Variants in AR observed in about 807,000 individuals in gnomAD.
The protein encoded by AR is androgen receptor.
AR carries 8 observed loss-of-function variants against 53.9 expected under a neutral mutation model. The observed-to-expected ratio is 0.15, with a 90% CI of 0.09 to 0.27. AR has a LOEUF of 0.27. Ranked by LOEUF, AR falls within the 10% of genes least tolerant of loss-of-function variation. The probability of loss-of-function intolerance (pLI) is 1.00; values close to 1 mark genes in which losing one functional copy is unlikely to be tolerated. For synonymous variants in AR, 359 were observed against 316.4 expected, an observed-to-expected ratio of 1.13 and a Z score of -1.43; for missense variants, 639 against 742.5, an observed-to-expected ratio of 0.86 and a Z score of 1.62.
At chrX:67,568,153 C>A (rs1287837097) in intron 1 of AR, among the ~76,000 whole-genome samples, 3 of 111,493 alleles carry the variant, frequency 2.7e-5, no homozygotes, top group African/African-American at 9.8e-5. Flanking sequence ...TGTGTCTGGG[C>A]GTCTATTTTC....
chrX:67,670,793 C>T (rs758859259), intron 2 of AR, among the ~76,000 whole-genome samples: 1 of 110,415 alleles, frequency 9.1e-6, no homozygotes, highest in East Asian at 2.8e-4. Context: ...ATGTTCCCCT[C>T]CCTGTGTCCA....
chrX:67,655,335 C>T (rs1926535777), intron 2 of AR, among the ~76,000 whole-genome samples: 1 of 111,143 alleles, frequency 9.0e-6, no homozygotes, highest in Non-Finnish European at 1.9e-5. Context: ...GCCTCCTACT[C>T]CCCACTTTTT....
chrX:67,670,886 G>T (rs914744280), intron 2 of AR, among the ~76,000 whole-genome samples: 7 of 110,740 alleles, frequency 6.3e-5, no homozygotes, highest in Non-Finnish European at 9.5e-5. Context: ...GTTTGCTGAG[G>T]ATGATGGTTT....
At chrX:67,582,996 T>C (rs753507513) in intron 1 of AR, among the ~76,000 whole-genome samples, 1 of 112,128 alleles carries the variant, frequency 8.9e-6, no homozygotes, top group East Asian at 2.8e-4. Flanking sequence ...AAGTGGCAGC[T>C]TCATTTTTGG....
At chrX:67,661,599 T>A (rs1926921814) in intron 2 of AR, among the ~76,000 whole-genome samples, 1 of 111,801 alleles carries the variant, frequency 8.9e-6, no homozygotes, top group South Asian at 3.8e-4. Flanking sequence ...TTTGCTGGTA[T>A]TTTATTGAGG....
intron 1 of AR, among the ~76,000 whole-genome samples, chrX:67,589,757 G>C (rs1922738846): frequency 9.0e-6 from 1 of 111,607 alleles, no homozygotes; most frequent in African/African-American, 3.3e-5. Flanking sequence ...ATGGAGGTTG[G>C]ATACAGGCAG....
intron 1 of AR, among the ~76,000 whole-genome samples, chrX:67,560,437 A>G (rs1921246666): frequency 9.0e-6 from 1 of 111,682 alleles, no homozygotes; most frequent in African/African-American, 3.3e-5. Context: ...TTGTCTGTAT[A>G]CTGCTTTAAA....
chrX:67,635,501 T>C (rs1925387102), intron 1 of AR, among the ~76,000 whole-genome samples: 1 of 110,411 alleles, frequency 9.1e-6, no homozygotes, highest in East Asian at 2.8e-4. Context: ...TTCTTCAAAG[T>C]ATCCCCAAGT....
At chrX:67,645,736 A>G (rs1013384055) in intron 2 of AR, among the ~76,000 whole-genome samples, 13 of 110,473 alleles carry the variant, frequency 1.2e-4, no homozygotes, top group Non-Finnish European at 2.3e-4. Context: ...AAACACACAC[A>G]CACACGCACA....
intron 3 of AR, among the ~76,000 whole-genome samples, chrX:67,703,970 T>C (rs1340583840): frequency 8.9e-6 from 1 of 111,914 alleles, no homozygotes; most frequent in Non-Finnish European, 1.9e-5. Flanking sequence ...ACAAAGGACA[T>C]GAACTCATCA....
rs936395268 is a variant in AR at position 67,628,073 on chromosome X, T to C, written c.1617-15183T>C. 2.1e-4 allele frequency among the ~76,000 whole-genome samples: 24 copies of C among 111,771 alleles called. 1 individual carries two copies. The highest frequency in any genetic ancestry group is 7.2e-4 in the African/African-American group (22 of 30,714). On this transcript the variant is annotated intron_variant, in intron 1 of 7. Coordinates refer to ENST00000374690, the MANE Select transcript of AR (RefSeq NM_000044.6). ...TATAGTTAGAAGTCAGGGAGTGTGATGCCTCCAGCTTTGTTCTTTTGGCTT... is the reference window on the plus strand; with the variant it reads ...TATAGTTAGAAGTCAGGGAGTGTGACGCCTCCAGCTTTGTTCTTTTGGCTT...
chrX:67,548,190 A>G (rs1929847499), intron 1 of AR, among the ~76,000 whole-genome samples: 1 of 111,912 alleles, frequency 8.9e-6, no homozygotes, highest in African/African-American at 3.3e-5. Flanking sequence ...TTTCCTTCTT[A>G]CAAGGTAGAT....
At chrX:67,645,939 A>G (rs929496175) in intron 2 of AR, among the ~76,000 whole-genome samples, 1 of 111,930 alleles carries the variant, frequency 8.9e-6, no homozygotes, top group East Asian at 2.8e-4. Context: ...TTTATCGCCC[A>G]TATGGCCTTT....
intron 3 of AR, chrX:67,695,451 C>T (rs1381981389): frequency 8.1e-5 from 61 of 752,021 alleles, no homozygotes; most frequent in East Asian, 1.5e-4. Context: ...CTTACTGTAG[C>T]CACACTCCTT....
At chrX:67,705,353 G>T (rs2076061694) in intron 3 of AR, among the ~76,000 whole-genome samples, 1 of 111,080 alleles carries the variant, frequency 9.0e-6, no homozygotes, top group South Asian at 3.9e-4. Flanking sequence ...CCTTGAAGAG[G>T]TCCTTCACGT....
intron 1 of AR, among the ~76,000 whole-genome samples, chrX:67,574,958 A>G (rs936462194): frequency 1.8e-5 from 2 of 111,448 alleles, no homozygotes; most frequent in East Asian, 2.9e-4. Flanking sequence ...CAAATAATAG[A>G]GCCAATTTTC....
chrX:67,663,217 C>T (rs990788589), intron 2 of AR, among the ~76,000 whole-genome samples: 2 of 111,781 alleles, frequency 1.8e-5, no homozygotes, highest in Non-Finnish European at 3.8e-5. Context: ...TTCTTCCTAG[C>T]CTCGACGGTC....
chrX:67,672,378 A>T (rs778725159), intron 2 of AR, among the ~76,000 whole-genome samples: 8 of 110,698 alleles, frequency 7.2e-5, no homozygotes, highest in Admixed American at 2.9e-4. Flanking sequence ...TACTCCTGCC[A>T]TTTGGTTGTT....
chrX:67,663,969 A>G (rs1296890202), intron 2 of AR, among the ~76,000 whole-genome samples: 2 of 112,001 alleles, frequency 1.8e-5, no homozygotes, highest in Non-Finnish European at 3.8e-5. Flanking sequence ...TTTCAGCTCC[A>G]TCAGGTCCTT....
Sources: allele counts gnomAD v4.1 joint callset (sites outside exome capture counted in the v4.1 genomes callset), GRCh38; gene constraint gnomAD v4.1.1; transcripts MANE v1.5; gene names NCBI Gene and HGNC (gene_info 2026-07-23, HGNC 2026-07-21).